Variants in KALRN observed in about 807,000 individuals in gnomAD.
KALRN encodes kalirin RhoGEF kinase.
In KALRN, 70 loss-of-function variants were observed where a neutral mutation model predicts 353.7. That is an observed-to-expected ratio of 0.20 (90% CI 0.16 to 0.24). KALRN has a LOEUF of 0.24. KALRN is among the 10% of genes least tolerant of loss of function. The probability of loss-of-function intolerance (pLI) is 1.00; values close to 1 mark genes in which losing one functional copy is unlikely to be tolerated. For missense variants in KALRN, 2,791 were observed against 3,756.7 expected (o/e 0.74, Z 6.72); for synonymous variants, 1,391 against 1,434.8 (o/e 0.97, Z 0.69).
chr3:124,446,042 TC>T (rs2093829020), intron 19 of KALRN, 118 bp from the exon 20 acceptor site: 1 of 623,266 alleles, frequency 1.6e-6, no homozygotes, highest in Admixed American at 2.8e-5. Flanking sequence ...TGGATTAGTC[TC>T]ATGGGGATGC....
chr3:124,696,340 T>G, intron 54 of KALRN, 85 bp downstream of exon 54: 173 of 1,323,370 alleles, frequency 1.3e-4, no homozygotes, highest in Middle Eastern at 2.4e-4. Context: ...GCATGATCTC[T>G]GTTCATGGCA....
At chr3:124,539,926 G>GT (rs1053138401) in intron 33 of KALRN, among the ~76,000 whole-genome samples, 4 of 119,046 alleles carry the variant, frequency 3.4e-5, no homozygotes, top group African/African-American at 1.4e-4. Flanking sequence ...TTTTTTTGGG[G>GT]GGGGGGACAG....
chr3:124,640,946 A>G (rs2081977107), intron 37 of KALRN, among the ~76,000 whole-genome samples: 1 of 152,108 alleles, frequency 6.6e-6, no homozygotes, highest in Non-Finnish European at 1.5e-5. Context: ...CTTGGACTTT[A>G]CTGAGTCCTT....
intron 1 of KALRN, among the ~76,000 whole-genome samples, chr3:124,170,288 G>T (rs2071551207): frequency 6.6e-6 from 1 of 152,168 alleles, no homozygotes; most frequent in Non-Finnish European, 1.5e-5. Context: ...CATTGGGAAG[G>T]AACTTTACAA....
intron 6 of KALRN, among the ~76,000 whole-genome samples, chr3:124,305,374 C>T (rs1233157366): frequency 6.6e-6 from 1 of 152,184 alleles, no homozygotes; most frequent in African/African-American, 2.4e-5. Flanking sequence ...GGGGCCAGAA[C>T]AAATTTCAAG....
In KALRN at chr3:124,385,021, C is replaced by T. The variant is rs745957321; in HGVS notation, c.1947C>T (p.His649=). ...KLLLDMSVSF[H]THTKELWTWM... ...TCCTGGACATGTCTGTTTCCTTCCA[C>T]ACACACACCAAAGAGGTAAGGGGAG... Residue 649 remains histidine, a synonymous_variant, in exon 11 of 60, where the codon CAC becomes CAT. Transcript: ENST00000682506. 2.5e-6 allele frequency: 4 copies of T among 1,604,918 alleles called. No homozygotes were observed. In the South Asian group the frequency reaches 3.4e-5, roughly 13 times the overall value.
chr3:124,712,880 A>G (rs2062960071), intron 57 of KALRN, 55 bp from the exon 58 acceptor site: 1 of 1,309,140 alleles, frequency 7.6e-7, no homozygotes, highest in Admixed American at 1.8e-5. Context: ...TCCATGAATA[A>G]AATATATCTA....
intron 3 of KALRN, among the ~76,000 whole-genome samples, chr3:124,248,662 C>G (rs900588283): frequency 6.6e-6 from 1 of 152,230 alleles, no homozygotes; most frequent in Non-Finnish European, 1.5e-5. Context: ...GCCCTGGCCC[C>G]TCTTTCCTTT....
chr3:124,452,284 C>G (rs2058863642), intron 21 of KALRN, among the ~76,000 whole-genome samples: 1 of 152,206 alleles, frequency 6.6e-6, no homozygotes, highest in African/African-American at 2.4e-5. Flanking sequence ...TCTTGCTGGT[C>G]TAGCTTTACT....
rs1444521113 is a variant in KALRN at position 124,334,378 on chromosome 3, G to A, written c.1530G>A (p.Leu510=). The A allele has an allele frequency of 1.2e-6, 2 of 1,614,260 alleles. No homozygotes were observed. The highest frequency in any genetic ancestry group is 2.2e-5 in the South Asian group (2 of 91,090). ...ANYSKAVHQV[L]DVVHEVLHHQ... is the part of the protein sequence containing the mutation. ...ACTCCAAGGCAGTGCACCAGGTGCT[G>A]GACGTGGTGCATGAGGTGTTACATC... is the stretch of plus-strand genomic sequence containing the variant. The change falls in exon 9 of 60, where the codon CTG becomes CTA. Residue 510 remains leucine, a synonymous_variant. Transcript: ENST00000682506. The surrounding 1 kb of genome is among the most constrained non-coding windows in gnomAD (Gnocchi z 4.2).
At chr3:124,517,312 G>A (rs1434074581) in intron 33 of KALRN, among the ~76,000 whole-genome samples, 5 of 152,100 alleles carry the variant, frequency 3.3e-5, no homozygotes, top group Non-Finnish European at 5.9e-5. Flanking sequence ...GCTTGATGCT[G>A]AAGTATTTTC....
chr3:124,399,152 C>G (rs76844218), intron 13 of KALRN, among the ~76,000 whole-genome samples: 1 of 140,838 alleles, frequency 7.1e-6, no homozygotes, highest in Non-Finnish European at 1.6e-5. Context: ...TTGTTTTGTT[C>G]TGTTGAGAAG....
At chr3:124,610,263 AGGAG>A (rs1195435602) in intron 34 of KALRN, among the ~76,000 whole-genome samples, 1 of 152,222 alleles carries the variant, frequency 6.6e-6, no homozygotes, top group African/African-American at 2.4e-5. Flanking sequence ...CCAACAGATG[AGGAG>A]GTGACTGAAA....
chr3:124,299,465 A>G (rs917539777), intron 6 of KALRN, among the ~76,000 whole-genome samples: 1 of 152,078 alleles, frequency 6.6e-6, no homozygotes, highest in Non-Finnish European at 1.5e-5. Flanking sequence ...GGGCGGCAGG[A>G]TGTGGCTTGG....
intron 47 of KALRN, among the ~76,000 whole-genome samples, chr3:124,667,647 A>G (rs1472768210): frequency 1.3e-5 from 2 of 152,230 alleles, no homozygotes; most frequent in African/African-American, 4.8e-5. Flanking sequence ...CATAAGCCAC[A>G]TTACTAGCCA....
chr3:124,718,789 A>T (rs2063286010), intron 59 of KALRN, 136 bp from the exon 60 acceptor site: 1 of 757,176 alleles, frequency 1.3e-6, no homozygotes, highest in Non-Finnish European at 2.1e-6. Context: ...TCCGTAGTGC[A>T]TAGGGAATTT....
chr3:124,221,069 TC>T (rs2077854237), intron 1 of KALRN, among the ~76,000 whole-genome samples: 1 of 152,158 alleles, frequency 6.6e-6, no homozygotes, highest in Non-Finnish European at 1.5e-5. Context: ...TGCCGATGCC[TC>T]CCCAGGTGTC....
intron 25 of KALRN, among the ~76,000 whole-genome samples, chr3:124,470,891 G>T (rs2107906761): frequency 6.6e-6 from 1 of 152,226 alleles, no homozygotes; most frequent in African/African-American, 2.4e-5. Context: ...CATATTATAG[G>T]ATTTTGGAAG....
chr3:124,039,289 C>G (rs1294205741), intron 1 of KALRN, among the ~76,000 whole-genome samples: 1 of 152,224 alleles, frequency 6.6e-6, no homozygotes, highest in Non-Finnish European at 1.5e-5. Context: ...GGAGCTTTCA[C>G]AGCTCACGAT....
Sources: gnomAD v4.1 joint callset for allele counts (sites outside exome capture counted in the v4.1 genomes callset) on GRCh38, gnomAD v4.1.1 for gene constraint, Gnocchi (gnomAD v3.1) non-coding constraint, MANE v1.5 for transcripts, NCBI Gene and HGNC (gene_info 2026-07-23, HGNC 2026-07-21) for gene names.